The following SLC44A5 variants were observed in gnomAD, a reference collection of about 807,000 sequenced individuals.
SLC44A5 encodes the protein choline transporter-like protein 5.
Under a neutral mutation model 101.8 loss-of-function variants are expected in SLC44A5, and 57 were observed. That is an observed-to-expected ratio of 0.56 (90% confidence interval 0.45 to 0.70). The LOEUF (loss-of-function observed/expected upper bound fraction) is 0.70, where lower values mean the gene tolerates loss of function less well. Ranked by LOEUF, SLC44A5 falls within the 30% of genes least tolerant of loss-of-function variation. The probability of loss-of-function intolerance (pLI) is 0.00; values close to 1 mark genes in which losing one functional copy is unlikely to be tolerated. For synonymous variants in SLC44A5, 281 were observed against 290.9 expected (o/e 0.97, Z 0.35); for missense variants, 737 against 853.1 (o/e 0.86, Z 1.70).
chr1:75,323,534 C>A (rs181306847), intron 4 of SLC44A5, among the ~76,000 whole-genome samples: 1 of 152,236 alleles, frequency 6.6e-6, no homozygotes, highest in African/African-American at 2.4e-5. Flanking sequence ...TCCACAATGG[C>A]TTCCACAATG....
chr1:75,441,289 A>C (rs1665182620), intron 2 of SLC44A5, among the ~76,000 whole-genome samples: 1 of 152,162 alleles, frequency 6.6e-6, no homozygotes, highest in Non-Finnish European at 1.5e-5. Flanking sequence ...CAACATATTC[A>C]GCATTCCTGA....
At chr1:75,349,051 T>C (rs939067021) in intron 3 of SLC44A5, among the ~76,000 whole-genome samples, 3 of 152,092 alleles carry the variant, frequency 2.0e-5, no homozygotes, top group Admixed American at 2.0e-4. Flanking sequence ...ATGAAAAATA[T>C]TAAAAAATAA....
At chr1:75,319,303 G>A (rs1170007102) in intron 4 of SLC44A5, among the ~76,000 whole-genome samples, 2 of 152,102 alleles carry the variant, frequency 1.3e-5, no homozygotes, top group Non-Finnish European at 2.9e-5. Context: ...ATTTGTTGTA[G>A]ATGCCATATC....
chr1:75,556,451 C>A (rs1672220355), intron 1 of SLC44A5, among the ~76,000 whole-genome samples: 1 of 151,928 alleles, frequency 6.6e-6, no homozygotes, highest in South Asian at 2.1e-4. Context: ...AGAAAATATT[C>A]AAGTTGGAAT....
intron 3 of SLC44A5, among the ~76,000 whole-genome samples, chr1:75,345,667 A>C (rs967469856): frequency 1.3e-5 from 2 of 152,142 alleles, no homozygotes; most frequent in African/African-American, 4.8e-5. Context: ...AGAGGAAAGA[A>C]TGTGTCATGT....
chr1:75,553,765 T>A lies in SLC44A5; in HGVS notation c.-69-12249A>T, dbSNP rs184248789. On this transcript the variant is annotated intron_variant, in intron 1 of 23. Transcript: ENST00000370859. Reference sequence around the variant, plus strand: ...GTTGCCTTCTATTGATCAAGGGTGGTCCCCCAATTATTCAACTCCCCATCA... The same window carrying A: ...GTTGCCTTCTATTGATCAAGGGTGGACCCCCAATTATTCAACTCCCCATCA... Among the ~76,000 whole-genome samples the A allele has an allele frequency of 9.9e-5, 15 of 152,182 alleles. No homozygotes were observed. In the East Asian group the frequency reaches 2.9e-3, roughly 29 times the overall value.
chr1:75,681,605 T>C, the SLC44A5 span, among the ~76,000 whole-genome samples: 1 of 150,978 alleles, frequency 6.6e-6, no homozygotes, highest in Non-Finnish European at 1.5e-5. Context: ...ATGGGACATA[T>C]TTCAAAATAA....
At chr1:75,306,736 T>TC (rs1557645436) in intron 4 of SLC44A5, among the ~76,000 whole-genome samples, 1 of 118,820 alleles carries the variant, frequency 8.4e-6, no homozygotes, top group Non-Finnish European at 1.8e-5. Flanking sequence ...TTCCTTTCTT[T>TC]TTTTTTTTTT....
intron 4 of SLC44A5, among the ~76,000 whole-genome samples, chr1:75,324,653 A>G (rs1193055740): frequency 6.6e-6 from 1 of 152,170 alleles, no homozygotes; most frequent in Non-Finnish European, 1.5e-5. Context: ...TCCAGTCTGA[A>G]GGCTGCAAGT....
chr1:75,593,337 A>G (rs189956104), intron 1 of SLC44A5, among the ~76,000 whole-genome samples: 10 of 152,258 alleles, frequency 6.6e-5, no homozygotes, highest in Non-Finnish European at 1.3e-4. Flanking sequence ...AGGCAATAAC[A>G]AATGTTGGCA....
chr1:75,384,865 C>T (rs1414512764), intron 3 of SLC44A5, among the ~76,000 whole-genome samples: 5 of 151,472 alleles, frequency 3.3e-5, no homozygotes, highest in African/African-American at 1.2e-4. Context: ...ATCTCTCATA[C>T]CACAGTGCAA....
intron 1 of SLC44A5, among the ~76,000 whole-genome samples, chr1:75,605,462 C>A (rs961208394): frequency 7.9e-5 from 12 of 152,032 alleles, no homozygotes; most frequent in African/African-American, 2.9e-4. Context: ...AGAGGCCACC[C>A]CTCCTTTCAT....
intron 1 of SLC44A5, among the ~76,000 whole-genome samples, chr1:75,596,171 C>T (rs2102128356): frequency 6.6e-6 from 1 of 151,274 alleles, no homozygotes; most frequent in Non-Finnish European, 1.5e-5. Flanking sequence ...TTTCTTCAAA[C>T]TAAAGTGATA....
intron 2 of SLC44A5, among the ~76,000 whole-genome samples, chr1:75,506,907 C>CTTTTTTTTT (rs61554987): frequency 3.5e-4 from 24 of 68,768 alleles, no homozygotes; most frequent in East Asian, 4.6e-4. Flanking sequence ...TATTCCTATT[C>CTTTTTTTTT]TTTTTTTTTT....
intron 23 of SLC44A5, chr1:75,204,491 C>CT (rs199640195): frequency 0.091 from 13,442 of 147,142 alleles, 882 homozygotes; most frequent in African/African-American, 0.18. Flanking sequence ...ATTTTTTCAA[C>CT]TTTTTTTTTT....
At chr1:75,256,364 C>T (rs1440252014) in intron 6 of SLC44A5, among the ~76,000 whole-genome samples, 3 of 151,960 alleles carry the variant, frequency 2.0e-5, no homozygotes, top group Non-Finnish European at 2.9e-5. Flanking sequence ...GAAGGCTATC[C>T]AAGAAAAACC....
At chr1:75,407,564 A>G (rs1662960459) in intron 2 of SLC44A5, among the ~76,000 whole-genome samples, 2 of 152,210 alleles carry the variant, frequency 1.3e-5, no homozygotes, top group Non-Finnish European at 2.9e-5. Context: ...CCACACATCT[A>G]CAACCATCTG....
chr1:75,666,031 A>G, the SLC44A5 span, among the ~76,000 whole-genome samples: 1 of 152,224 alleles, frequency 6.6e-6, no homozygotes, highest in African/African-American at 2.4e-5. Flanking sequence ...AGGAGTATTA[A>G]TTGCTTCAGC....
At chr1:75,655,376 G>A in the SLC44A5 span, among the ~76,000 whole-genome samples, 4 of 152,216 alleles carry the variant, frequency 2.6e-5, no homozygotes, top group African/African-American at 4.8e-5. Flanking sequence ...ATTTAGGCTA[G>A]CCCTGGGGCA....
Sources: gnomAD v4.1 joint callset for allele counts (sites outside exome capture counted in the v4.1 genomes callset) on GRCh38, gnomAD v4.1.1 for gene constraint, MANE v1.5 for transcripts, NCBI Gene and HGNC (gene_info 2026-07-23, HGNC 2026-07-21) for gene names.